Variants in PLCL2 observed in about 807,000 individuals in gnomAD.
The protein encoded by PLCL2 is inactive phospholipase C-like protein 2.
PLCL2 carries 4 observed loss-of-function variants against 79.6 expected under a neutral mutation model. The ratio of observed to expected loss-of-function variants is 0.05; its 90% CI spans 0.02 to 0.11. The LOEUF (loss-of-function observed/expected upper bound fraction) is 0.11. PLCL2 is among the 10% of genes least tolerant of loss of function. The pLI, the probability that PLCL2 is intolerant of heterozygous loss-of-function variation, is 1.00. For synonymous variants in PLCL2, 484 were observed against 457.7 expected, an observed-to-expected ratio of 1.06 and a Z score of -0.73; for missense variants, 895 against 1,291.0, an observed-to-expected ratio of 0.69 and a Z score of 4.70.
intron 5 of PLCL2, among the ~76,000 whole-genome samples, chr3:17,078,763 G>A (rs1023692909): frequency 1.3e-5 from 2 of 152,056 alleles, no homozygotes; most frequent in Non-Finnish European, 2.9e-5. Context: ...ACTGGCATTT[G>A]TTTCCTTTTT....
intron 1 of PLCL2, among the ~76,000 whole-genome samples, chr3:16,996,251 A>G: frequency 6.6e-6 from 1 of 152,146 alleles, no homozygotes; most frequent in African/African-American, 2.4e-5. Flanking sequence ...AGGAATGGTT[A>G]TAGTGAGAGG....
At chr3:17,044,504 C>T (rs960576820) in intron 4 of PLCL2, among the ~76,000 whole-genome samples, 1 of 152,078 alleles carries the variant, frequency 6.6e-6, no homozygotes, top group Non-Finnish European at 1.5e-5. Flanking sequence ...GGTAGGGCTT[C>T]TTCAGTTATT....
intron 4 of PLCL2, among the ~76,000 whole-genome samples, chr3:17,059,265 G>A (rs2064920981): frequency 2.0e-5 from 3 of 151,810 alleles, no homozygotes; most frequent in Middle Eastern, 3.4e-3. Context: ...TGTAGTCCAA[G>A]CTACTAGGGA....
chr3:17,052,848 C>G (rs2064856550), intron 4 of PLCL2, among the ~76,000 whole-genome samples: 1 of 152,078 alleles, frequency 6.6e-6, no homozygotes, highest in African/African-American at 2.4e-5. Context: ...CTTTATCTTA[C>G]CTTATTGTAA....
intron 1 of PLCL2, among the ~76,000 whole-genome samples, chr3:16,907,006 G>GT (rs1696767408): frequency 4.6e-5 from 7 of 152,276 alleles, no homozygotes; most frequent in Admixed American, 4.6e-4. Context: ...TCTGAATCCT[G>GT]TTTCCTTTCT....
At chr3:17,030,254 G>A (rs1279529143) in intron 3 of PLCL2, among the ~76,000 whole-genome samples, 1 of 151,962 alleles carries the variant, frequency 6.6e-6, no homozygotes, top group Non-Finnish European at 1.5e-5. Flanking sequence ...CTCTACAATG[G>A]GCATTAGATC....
At chr3:17,027,776 G>T (rs2064533999) in intron 3 of PLCL2, among the ~76,000 whole-genome samples, 1 of 152,142 alleles carries the variant, frequency 6.6e-6, no homozygotes, top group South Asian at 2.1e-4. Flanking sequence ...GCACTCCTCT[G>T]CTGGAAAAAG....
intron 1 of PLCL2, among the ~76,000 whole-genome samples, chr3:16,924,692 G>A (rs1697203228): frequency 6.6e-6 from 1 of 152,122 alleles, no homozygotes; most frequent in African/African-American, 2.4e-5. Context: ...CAGAGAAAAT[G>A]CAGAGTGATA....
Position 17,018,811 on chromosome 3 carries a change from A to G in PLCL2, c.3018+3900A>G, listed in dbSNP as rs895356774. Among the ~76,000 whole-genome samples, 82 of 152,178 alleles carry G rather than the reference A, an allele frequency of 5.4e-4. 3 individuals carry two copies. Among genetic ancestry groups the G allele is most frequent in the Non-Finnish European group, 1.1e-3 (73 of 68,036 alleles). On this transcript the variant is annotated intron_variant, in intron 3 of 5. Coordinates refer to ENST00000615277, the MANE Select transcript of PLCL2 (RefSeq NM_001144382.2). ...CTGTATTTTTGGTGATGAATTCAAC[A>G]CCCATTTATAAGCTCTTAGCACGTG...
In PLCL2 at chr3:17,010,316, A is replaced by G; in HGVS notation, c.970A>G (p.Thr324Ala). ...ELHKSKDKAG[T>A]EVTKEEFIEV... Reference sequence around the variant, plus strand: ...GCATAAATCAAAGGACAAAGCTGGTACCGAGGTCACAAAGGAAGAATTTAT... The same window carrying G: ...GCATAAATCAAAGGACAAAGCTGGTGCCGAGGTCACAAAGGAAGAATTTAT... The change falls in exon 2 of 6, where the codon ACC (threonine) becomes GCC (alanine). Residue 324 changes from threonine (T) to alanine (A), a missense_variant. Physicochemically the swap from Thr to Ala is moderately conservative, Grantham distance 58 (BLOSUM62 0). Around this residue, in one of 6 missense-constraint regions of PLCL2, gnomAD observed 93 missense variants for 93.2 expected, o/e 1.00. Transcript: ENST00000615277. The surrounding 1 kb of genome is among the most constrained non-coding windows in gnomAD (Gnocchi z 5.8). 1 of 1,614,130 alleles carries G rather than the reference A, an allele frequency of 6.2e-7. No individual in the cohort carries two copies. The highest frequency in any genetic ancestry group is 8.5e-7 in the Non-Finnish European group (1 of 1,180,010).
At chr3:16,906,433 C>T (rs570792752) in intron 1 of PLCL2, among the ~76,000 whole-genome samples, 22 of 152,066 alleles carry the variant, frequency 1.4e-4, no homozygotes, top group Admixed American at 1.2e-3. Flanking sequence ...ATTTTGAATT[C>T]GTTAATGTGG....
intron 1 of PLCL2, among the ~76,000 whole-genome samples, chr3:17,006,523 A>G (rs149875219): frequency 2.6e-3 from 397 of 152,214 alleles, no homozygotes; most frequent in African/African-American, 8.9e-3. Context: ...ATACTCCTCT[A>G]TTGGTGTTTT....
intron 3 of PLCL2, among the ~76,000 whole-genome samples, chr3:17,023,248 C>T (rs1278097692): frequency 6.6e-6 from 1 of 152,186 alleles, no homozygotes; most frequent in East Asian, 1.9e-4. Flanking sequence ...TGCCTCAGAG[C>T]TGCAATTCCC....
At chr3:16,927,825 G>C (rs982122484) in intron 1 of PLCL2, among the ~76,000 whole-genome samples, 1 of 152,172 alleles carries the variant, frequency 6.6e-6, no homozygotes, top group African/African-American at 2.4e-5. Flanking sequence ...GGATACTCCA[G>C]GAAAATATTC....
chr3:16,922,608 C>G (rs537242741), intron 1 of PLCL2, among the ~76,000 whole-genome samples: 3 of 152,150 alleles, frequency 2.0e-5, no homozygotes, highest in African/African-American at 7.2e-5. Flanking sequence ...TTGAAGATAT[C>G]CTGTATGGGA....
At chr3:17,044,719 G>A (rs1218549901) in intron 4 of PLCL2, among the ~76,000 whole-genome samples, 1 of 151,792 alleles carries the variant, frequency 6.6e-6, no homozygotes, top group Non-Finnish European at 1.5e-5. Flanking sequence ...TGAAAATTGT[G>A]GACTTTGTGG....
intron 1 of PLCL2, among the ~76,000 whole-genome samples, chr3:16,933,534 A>G (rs1447748529): frequency 6.6e-6 from 1 of 152,024 alleles, no homozygotes; most frequent in Non-Finnish European, 1.5e-5. Flanking sequence ...TTCCAGAGAG[A>G]TATTTGACTC....
chr3:17,067,430 G>T (rs1021200296), intron 4 of PLCL2, among the ~76,000 whole-genome samples: 1 of 152,200 alleles, frequency 6.6e-6, no homozygotes, highest in African/African-American at 2.4e-5. Context: ...TTCTGGTGTA[G>T]AATAAATGCA....
At chr3:16,968,712 C>T (rs1312145201) in intron 1 of PLCL2, among the ~76,000 whole-genome samples, 2 of 152,070 alleles carry the variant, frequency 1.3e-5, no homozygotes, top group African/African-American at 2.4e-5. Context: ...CGTATGTCTG[C>T]AAACAGAGAT....
Sources: gnomAD v4.1 joint callset for allele counts (sites outside exome capture counted in the v4.1 genomes callset) on GRCh38, gnomAD v4.1.1 for gene constraint, gnomAD v4.1.1 regional missense constraint, Gnocchi (gnomAD v3.1) non-coding constraint, MANE v1.5 for transcripts, NCBI Gene and HGNC (gene_info 2026-07-23, HGNC 2026-07-21) for gene names.